The following GCN1 variants were observed in gnomAD, a reference collection of about 807,000 sequenced individuals.
GCN1 encodes the protein GCN1 activator of EIF2AK4.
Under a neutral mutation model 288.4 loss-of-function variants are expected in GCN1, and 90 were observed. The ratio of observed to expected loss-of-function variants is 0.31; its 90% CI spans 0.26 to 0.37. GCN1 has a LOEUF of 0.37. GCN1 is among the 10% of genes least tolerant of loss of function. The pLI, the probability that GCN1 is intolerant of heterozygous loss-of-function variation, is 1.00. For missense variants in GCN1, 2,586 were observed against 3,419.9 expected (o/e 0.76, Z 6.08); for synonymous variants, 1,386 against 1,420.2 (o/e 0.98, Z 0.54).
At position 120,153,513 on chromosome 12, in the gene GCN1, C is replaced by G. The variant is rs901203754; in HGVS notation, c.3868-106G>C. 1 of 1,044,808 alleles carries G rather than the reference C, an allele frequency of 9.6e-7. No homozygotes were observed. Among genetic ancestry groups the G allele is most frequent in the African/African-American group, 1.6e-5 (1 of 62,778 alleles). 64.7% of individuals were successfully genotyped at this position (1,044,808 alleles called of 1,614,324 possible). On this transcript the variant is annotated intron_variant, in intron 32 of 57. Transcript: ENST00000300648. This position sits in a 1 kb window ranked among gnomAD's most constrained non-coding sequence, Gnocchi z 4.4. ...AGACCAAGTCTAGCTCTGGGACAGG[C>G]ATCCTGACATGCCAGCCAGTGGCTC...
intron 53 of GCN1, among the ~76,000 whole-genome samples, chr12:120,132,683 C>T (rs1876869462): frequency 6.6e-6 from 1 of 152,218 alleles, no homozygotes. Flanking sequence ...TCCTCCCTGG[C>T]CAGCTAACTA....
intron 9 of GCN1, 36 bp downstream of exon 9, chr12:120,177,411 A>T: frequency 9.5e-7 from 1 of 1,050,778 alleles, no homozygotes; most frequent in South Asian, 1.3e-5. Flanking sequence ...TAGGCAACTC[A>T]TCTCCCTCCC....
rs752913334 is a variant in GCN1, at chr12:120,149,993, C to T, written c.4360G>A (p.Glu1454Lys). 6.2e-7 allele frequency: 1 copy of T among 1,614,042 alleles called. No individual in the cohort carries two copies. Among genetic ancestry groups the T allele is most frequent in the Non-Finnish European group, 8.5e-7 (1 of 1,180,006 alleles). The change falls in exon 35 of 58, where the codon GAG (glutamate) becomes AAG (lysine). Residue 1454 changes from glutamate (E) to lysine (K), a missense_variant. By Grantham distance (56) the Glu-to-Lys change is moderately conservative (BLOSUM62 1). Transcript: ENST00000300648. ...MLCTMLGKLF[E>K]PYVVHVLPHL... ...GGCAGCACGTGAACCACATACGGCT[C>T]AAAAAGTTTCCCCAGCATGGTGCAG...
At chr12:120,178,987 CAT>C (rs758929038) in intron 5 of GCN1, 37 bp from the exon 6 acceptor site, 1 of 1,554,338 alleles carries the variant, frequency 6.4e-7, no homozygotes, top group South Asian at 1.1e-5. Context: ...CAAGGTGGGA[CAT>C]GAGACTGAGG....
At position 120,149,609 on chromosome 12, in the gene GCN1, C is replaced by T. The variant is rs1323511827; in HGVS notation, c.4543G>A (p.Ala1515Thr). Residue 1515 changes from alanine (A) to threonine (T), a missense_variant, in exon 36 of 58, where the codon GCT becomes ACT. Transcript: ENST00000300648. ...ALEEESWRTK[A>T]GSVELLGAMA... Reference sequence around the variant, plus strand: ...GAGGCAGAGCGAGTGGTCTTACCAGCTTTGGTCCGCCACGATTCCTCCTCC... The same window carrying T: ...GAGGCAGAGCGAGTGGTCTTACCAGTTTTGGTCCGCCACGATTCCTCCTCC... The T allele has an allele frequency of 2.5e-6, 4 of 1,610,014 alleles. No homozygotes were observed. The highest frequency in any genetic ancestry group is 3.3e-5 in the Admixed American group (2 of 60,000).
chr12:120,153,390 C>A lies in GCN1; in HGVS notation c.3885G>T (p.Leu1295=), dbSNP rs1312184710. The change falls in exon 33 of 58, where the codon CTG becomes CTT. Residue 1295 remains leucine (L), a synonymous_variant. Transcript: ENST00000300648. This position sits in a 1 kb window ranked among gnomAD's most constrained non-coding sequence, Gnocchi z 4.4. ...TCAGGAACTCCTCGAATACTGGCAACAGCGAGTTGACGTTCTCCTGGAAAG... is the reference window on the plus strand; with the variant it reads ...TCAGGAACTCCTCGAATACTGGCAAAAGCGAGTTGACGTTCTCCTGGAAAG... ...NTHGKENVNS[L]LPVFEEFLKN... The A allele has an allele frequency of 6.2e-7, 1 of 1,614,090 alleles. No homozygotes were observed. Among genetic ancestry groups the A allele is most frequent in the Non-Finnish European group, 8.5e-7 (1 of 1,180,006 alleles).
intron 45 of GCN1, 73 bp from the exon 46 acceptor site, chr12:120,138,929 G>C (rs753320521): frequency 9.4e-6 from 13 of 1,386,724 alleles, no homozygotes; most frequent in Non-Finnish European, 1.2e-5. Flanking sequence ...AAGAAGCACA[G>C]GCAGGGGACT....
rs752389783 is a variant in GCN1 at position 120,151,287 on chromosome 12, G to C, written c.4167C>G (p.Asp1389Glu). 3 of 1,614,064 alleles carry C rather than the reference G, an allele frequency of 1.9e-6. No homozygotes were observed. The highest frequency in any genetic ancestry group is 2.7e-5 in the African/African-American group (2 of 74,948). The stretch of plus-strand genomic sequence containing the variant: ...CGGCCCCTTTGCGCTCTGCGTACTT[G>C]TCTGACTCCAGCAGCTGCTGCATAA... ...QRLMQQLLESDKYAERKGAAY... is the reference protein window; with the variant it reads ...QRLMQQLLESEKYAERKGAAY... Residue 1389 changes from aspartate to glutamate, a missense_variant, in exon 34 of 58, where the codon GAC (aspartate) becomes GAG (glutamate). Transcript: ENST00000300648.
At chr12:120,161,616 G>C in intron 21 of GCN1, 33 bp from the exon 22 acceptor site, 1 of 1,495,456 alleles carries the variant, frequency 6.7e-7, no homozygotes, top group South Asian at 1.1e-5. Flanking sequence ...CAGCCAGCTT[G>C]AAAAGCACCG....
chr12:120,177,394 A>G, intron 9 of GCN1, 53 bp downstream of exon 9: 1 of 860,258 alleles, frequency 1.2e-6, no homozygotes, highest in Non-Finnish European at 2.0e-6. Context: ...TATCGAGAAT[A>G]GAGATATAGG....
chr12:120,191,485 G>A (rs1879002280), intron 1 of GCN1, among the ~76,000 whole-genome samples: 1 of 152,220 alleles, frequency 6.6e-6, no homozygotes, highest in Admixed American at 6.5e-5. Flanking sequence ...TAAGGCTCAT[G>A]TAACTTAACA....
At chr12:120,136,801 A>C in intron 50 of GCN1, 69 bp from the exon 51 acceptor site, 1 of 1,155,986 alleles carries the variant, frequency 8.7e-7, no homozygotes, top group Non-Finnish European at 1.3e-6. Flanking sequence ...CCATGCAAGC[A>C]AAGTGGTCCT....
At chr12:120,175,657 T>G (rs1036666681) in intron 11 of GCN1, 89 bp downstream of exon 11, 2 of 1,368,668 alleles carry the variant, frequency 1.5e-6, no homozygotes. Flanking sequence ...CAGGCAGACT[T>G]GGAGCATCAA....
At position 120,134,999 on chromosome 12, in the gene GCN1, G is replaced by A. The variant is rs557584392; in HGVS notation, c.7009-273C>T. 2.0e-5 allele frequency among the ~76,000 whole-genome samples: 3 copies of A among 152,246 alleles called. No homozygotes were observed. The highest frequency in any genetic ancestry group is 4.4e-5 in the Non-Finnish European group (3 of 68,046). ...AGGGAGCTGTCTCGCAGCCTTGGCT[G>A]CGTTGGGGTTTGGCTTAGTGGAGAC... On this transcript the variant is annotated intron_variant, in intron 51 of 57. Transcript: ENST00000300648. This position sits in a 1 kb window ranked among gnomAD's most constrained non-coding sequence, Gnocchi z 5.0.
At chr12:120,161,668 G>A (rs1877931809) in intron 21 of GCN1, 85 bp from the exon 22 acceptor site, 1 of 1,056,586 alleles carries the variant, frequency 9.5e-7, no homozygotes, top group Non-Finnish European at 1.5e-6. Context: ...ATTCCAACTA[G>A]CTGTTAAGCA....
rs377765562 is a variant in GCN1 at position 120,151,227 on chromosome 12, G to T, written c.4227C>A (p.Gly1409=). The T allele has an allele frequency of 3.1e-6, 5 of 1,614,104 alleles. No individual in the cohort carries two copies. The highest frequency in any genetic ancestry group is 4.2e-6 in the Non-Finnish European group (5 of 1,179,976). ...YGLAGLVKGL[G]ILSLKQQEMM... ...TCTCCTGTTGCTTCAGCGAGAGGATGCCCAGGCCCTTCACCAGGCCCGCCA... is the reference window on the plus strand; with the variant it reads ...TCTCCTGTTGCTTCAGCGAGAGGATTCCCAGGCCCTTCACCAGGCCCGCCA... Residue 1409 remains glycine, a synonymous_variant, in exon 34 of 58, where the codon GGC becomes GGA. Coordinates refer to ENST00000300648, the MANE Select transcript of GCN1 (RefSeq NM_006836.2).
intron 5 of GCN1, among the ~76,000 whole-genome samples, chr12:120,181,839 CAAAAAAA>C (rs1253486479): frequency 5.0e-5 from 3 of 59,972 alleles, no homozygotes; most frequent in East Asian, 3.9e-4. Context: ...AACTCCGTCT[CAAAAAAA>C]AAAAAAAAAA....
chr12:120,147,003 C>T (rs1877384146), intron 38 of GCN1, 49 bp downstream of exon 38: 5 of 1,190,412 alleles, frequency 4.2e-6, no homozygotes, highest in Non-Finnish European at 5.7e-6. Context: ...TGACTCTGCA[C>T]TCAAACATCT....
chr12:120,162,200 C>T (rs1877954357), intron 20 of GCN1, 142 bp from the exon 21 acceptor site: 2 of 667,974 alleles, frequency 3.0e-6, no homozygotes, highest in Non-Finnish European at 5.1e-6. Context: ...ATCACAGTGG[C>T]CGGCTGGAGT....
Sources: gnomAD v4.1 joint callset for allele counts (sites outside exome capture counted in the v4.1 genomes callset) on GRCh38, gnomAD v4.1.1 for gene constraint, Gnocchi (gnomAD v3.1) non-coding constraint, MANE v1.5 for transcripts, NCBI Gene and HGNC (gene_info 2026-07-23, HGNC 2026-07-21) for gene names.